Variants in CADPS2 observed in about 807,000 individuals in gnomAD.
CADPS2 encodes calcium-dependent secretion activator 2.
In CADPS2, 93 loss-of-function variants were observed where a neutral mutation model predicts 172.5. The observed-to-expected ratio is 0.54, with a 90% CI of 0.46 to 0.64. CADPS2 has a LOEUF of 0.64. Ranked by LOEUF, CADPS2 falls within the 30% of genes least tolerant of loss-of-function variation. The pLI, the probability that CADPS2 is intolerant of heterozygous loss-of-function variation, is 0.00. For missense variants in CADPS2, 1,420 were observed against 1,565.9 expected (o/e 0.91, Z 1.57); for synonymous variants, 546 against 555.2 (o/e 0.98, Z 0.23).
At chr7:122,602,649 C>T (rs1240395140) in intron 6 of CADPS2, among the ~76,000 whole-genome samples, 2 of 151,940 alleles carry the variant, frequency 1.3e-5, no homozygotes, top group Admixed American at 6.6e-5. Context: ...ATTTTTGGCT[C>T]CCACTCTGCT....
chr7:122,351,897 C>T (rs889169474), intron 27 of CADPS2, among the ~76,000 whole-genome samples: 1 of 152,094 alleles, frequency 6.6e-6, no homozygotes, highest in Admixed American at 6.5e-5. Context: ...AGTTATGTAG[C>T]ATTAGTATGT....
chr7:122,341,917 A>G (rs1306488919), intron 28 of CADPS2, among the ~76,000 whole-genome samples: 1 of 152,160 alleles, frequency 6.6e-6, no homozygotes, highest in Non-Finnish European at 1.5e-5. Context: ...CCCTGTTAAC[A>G]TCATGGACCT....
At chr7:122,400,793 G>A (rs1034837301) in intron 20 of CADPS2, among the ~76,000 whole-genome samples, 5 of 152,154 alleles carry the variant, frequency 3.3e-5, no homozygotes, top group African/African-American at 9.7e-5. Flanking sequence ...ACACCAATTC[G>A]TGAATTTCAG....
At chr7:122,706,263 T>C (rs62640526) in intron 2 of CADPS2, among the ~76,000 whole-genome samples, 5 of 12,704 alleles carry the variant, frequency 3.9e-4, no homozygotes, top group Admixed American at 1.5e-3. Flanking sequence ...TCAAGGAATA[T>C]ATATATGTTT....
intron 3 of CADPS2, among the ~76,000 whole-genome samples, chr7:122,645,379 ATG>A (rs1379734760): frequency 1.3e-5 from 1 of 78,374 alleles, no homozygotes; most frequent in Non-Finnish European, 3.3e-5. Context: ...ATACACACAT[ATG>A]TACATGTGTG....
Position 122,817,902 on chromosome 7 carries a change from TGTGCCCCAATCCCTTATTTCC to T in CADPS2, c.339+68076_339+68096del, listed in dbSNP as rs1207204876. The stretch of plus-strand genomic sequence containing the variant: ...TCTCTGCGCCCCAATCCCTTATCTC[TGTGCCCCAATCCCTTATTTCC>T]GTGCCCCAACCCCTTATTTCTGTGC... On this transcript the variant is annotated intron_variant, in intron 1 of 29. Coordinates refer to ENST00000449022, the MANE Select transcript of CADPS2 (RefSeq NM_017954.11). Among the ~76,000 whole-genome samples, 95 of 150,418 alleles carry T rather than the reference TGTGCCCCAATCCCTTATTTCC, an allele frequency of 6.3e-4. 1 individual carries two copies. The highest frequency in any genetic ancestry group is 2.3e-3 in the African/African-American group (92 of 40,788).
chr7:122,761,891 C>A (rs1052972055), intron 1 of CADPS2, among the ~76,000 whole-genome samples: 1 of 147,662 alleles, frequency 6.8e-6, no homozygotes, highest in Non-Finnish European at 1.5e-5. Flanking sequence ...CTAGCTACTA[C>A]GGAAGCTTGG....
intron 2 of CADPS2, among the ~76,000 whole-genome samples, chr7:122,688,069 CATTATT>C (rs2083863670): frequency 6.6e-6 from 1 of 152,210 alleles, no homozygotes; most frequent in Non-Finnish European, 1.5e-5. Flanking sequence ...CACTGAATGT[CATTATT>C]ATAACATAGC....
intron 6 of CADPS2, among the ~76,000 whole-genome samples, chr7:122,584,056 C>A (rs1178152754): frequency 2.0e-5 from 3 of 151,234 alleles, no homozygotes; most frequent in Non-Finnish European, 4.4e-5. Flanking sequence ...CTTTATTTAG[C>A]CTTTTATATA....
intron 2 of CADPS2, among the ~76,000 whole-genome samples, chr7:122,666,346 C>CTTT (rs35558114): frequency 0.39 from 51,917 of 133,330 alleles, 11,483 homozygotes; most frequent in Non-Finnish European, 0.49. Context: ...TCTGCTAACA[C>CTTT]TTTTTTTTTT....
intron 24 of CADPS2, among the ~76,000 whole-genome samples, chr7:122,385,836 T>C (rs1013445962): frequency 6.6e-6 from 1 of 152,048 alleles, no homozygotes; most frequent in Admixed American, 6.6e-5. Flanking sequence ...GGGTGTGGCC[T>C]CCTGGTTCAA....
chr7:122,422,930 G>T (rs1333429551), intron 17 of CADPS2, among the ~76,000 whole-genome samples: 2 of 152,142 alleles, frequency 1.3e-5, no homozygotes, highest in Non-Finnish European at 2.9e-5. Flanking sequence ...CTGCACCCCA[G>T]TCTGGGTGAC....
chr7:122,659,521 CATAAACATATCTAGAAT>C (rs1248602023), intron 3 of CADPS2, among the ~76,000 whole-genome samples: 1 of 151,878 alleles, frequency 6.6e-6, no homozygotes, highest in Non-Finnish European at 1.5e-5. Context: ...ACATGGGTGA[CATAAACATATCTAGAAT>C]ACCAGAAAAA....
rs1310157055 is a variant in CADPS2, at chr7:122,460,600, CA to C, written c.2187-9126del. On this transcript the variant is annotated intron_variant, in intron 14 of 29. Coordinates refer to ENST00000449022, the MANE Select transcript of CADPS2 (RefSeq NM_017954.11). ...TAATCTTAAGTATAAATGTTTATTA[CA>C]AAAAAATGCTAATTGCATTAAAAAA... Among the ~76,000 whole-genome samples the C allele has an allele frequency of 7.7e-4, 117 of 151,638 alleles. 1 individual carries two copies. Among genetic ancestry groups the C allele is most frequent in the East Asian group, 1.9e-4 (1 of 5,160 alleles).
chr7:122,506,727 T>TA (rs5887092), intron 9 of CADPS2, among the ~76,000 whole-genome samples: 36,263 of 141,780 alleles, frequency 0.26, 5,399 homozygotes, highest in Non-Finnish European at 0.36. Context: ...TAGAGTTATT[T>TA]AAAAAAAAAA....
At chr7:122,817,608 C>G (rs1801856936) in intron 1 of CADPS2, among the ~76,000 whole-genome samples, 1 of 152,062 alleles carries the variant, frequency 6.6e-6, no homozygotes, top group Non-Finnish European at 1.5e-5. Context: ...CTGCCTTGGT[C>G]CTTCACCCTT....
At chr7:122,885,948 G>C in intron 1 of CADPS2, 51 bp downstream of exon 1, 1 of 1,565,922 alleles carries the variant, frequency 6.4e-7, no homozygotes, top group Non-Finnish European at 8.7e-7. Flanking sequence ...TCTCCCGGGA[G>C]AAAAACCCAG....
At chr7:122,386,417 C>A in intron 24 of CADPS2, 2 of 586,530 alleles carry the variant, frequency 3.4e-6, no homozygotes, top group Non-Finnish European at 5.6e-6. Flanking sequence ...GCAACAAAAT[C>A]AACTTAAAAC....
At chr7:122,392,608 A>G (rs747457659) in intron 22 of CADPS2, among the ~76,000 whole-genome samples, 5 of 152,138 alleles carry the variant, frequency 3.3e-5, no homozygotes, top group Admixed American at 6.6e-5. Flanking sequence ...GTTAATAAAT[A>G]TGGTTTTTGA....
Sources: allele counts gnomAD v4.1 joint callset (sites outside exome capture counted in the v4.1 genomes callset), GRCh38; gene constraint gnomAD v4.1.1; transcripts MANE v1.5; gene names NCBI Gene and HGNC (gene_info 2026-07-23, HGNC 2026-07-21).